Variants in SEMA3E observed in about 807,000 individuals in gnomAD.
SEMA3E encodes semaphorin 3E.
A neutral mutation model predicts 93.6 loss-of-function variants in SEMA3E; 49 were observed. The ratio of observed to expected loss-of-function variants is 0.52; its 90% CI spans 0.42 to 0.66. The LOEUF is 0.66. Ranked by LOEUF, SEMA3E falls within the 30% of genes least tolerant of loss-of-function variation. SEMA3E has a pLI of 0.00. For missense variants in SEMA3E, 906 were observed against 964.8 expected (o/e 0.94, Z 0.81); for synonymous variants, 363 against 330.7 (o/e 1.10, Z -1.06).
intron 1 of SEMA3E, among the ~76,000 whole-genome samples, chr7:83,643,564 A>G (rs1217306023): frequency 6.6e-6 from 1 of 152,000 alleles, no homozygotes; most frequent in Non-Finnish European, 1.5e-5. Context: ...ATTCATAGAA[A>G]CATTTGGGGA....
At chr7:83,467,598 T>A (rs1256680051) in intron 3 of SEMA3E, among the ~76,000 whole-genome samples, 1 of 152,218 alleles carries the variant, frequency 6.6e-6, no homozygotes, top group Non-Finnish European at 1.5e-5. Context: ...TGGTCTCTGT[T>A]GCAACTATTC....
rs570851682 is a variant in SEMA3E, at chr7:83,458,885, AATAT to A, written c.456+7593_456+7596del. Among the ~76,000 whole-genome samples, 1,042 of 147,126 alleles carry A rather than the reference AATAT, an allele frequency of 7.1e-3. 10 individuals are homozygous for A. Among genetic ancestry groups the A allele is most frequent in the African/African-American group, 0.022 (906 of 40,386 alleles). On this transcript the variant is annotated intron_variant, in intron 4 of 16. Coordinates refer to ENST00000643230, the MANE Select transcript of SEMA3E (RefSeq NM_012431.3). The stretch of plus-strand genomic sequence containing the variant: ...TATATGATTATATGTTATATATAAT[AATAT>A]ATATAGTTATATATAACAAATATAA...
Position 83,390,498 on chromosome 7 carries a change from G to T in SEMA3E, c.1667+2057C>A, listed in dbSNP as rs998225982. 2.6e-5 allele frequency among the ~76,000 whole-genome samples: 4 copies of T among 152,090 alleles called. No homozygotes were observed. The East Asian group carries it at 5.8e-4, about 22-fold the overall frequency. On this transcript the variant is annotated intron_variant, in intron 14 of 16. Coordinates refer to ENST00000643230, the MANE Select transcript of SEMA3E (RefSeq NM_012431.3). ...AAGATCATTTTAAACAAGTGGTTTG[G>T]ATTGTGAATTACTGTTTTTCCCCTG... is the stretch of plus-strand genomic sequence containing the variant.
rs371793924 is a variant in SEMA3E at position 83,572,710 on chromosome 7, GA to G, written c.115+75717del. ...CTAATGGAACAGAATAAAGAACCCA[GA>G]AAAAATGCTGAACAGCTACAACCAT... On this transcript the variant is annotated intron_variant, in intron 1 of 16. Coordinates refer to ENST00000643230, the MANE Select transcript of SEMA3E (RefSeq NM_012431.3). Among the ~76,000 whole-genome samples the G allele has an allele frequency of 1.2e-3, 179 of 151,964 alleles. 1 individual carries two copies. Among genetic ancestry groups the G allele is most frequent in the African/African-American group, 3.9e-3 (163 of 41,472 alleles).
At chr7:83,586,679 T>C (rs1314856249) in intron 1 of SEMA3E, among the ~76,000 whole-genome samples, 2 of 151,870 alleles carry the variant, frequency 1.3e-5, no homozygotes, top group East Asian at 3.9e-4. Context: ...GGGATTATAA[T>C]AGAGGTTTCT....
chr7:83,533,615 C>A (rs1347082169), intron 1 of SEMA3E, among the ~76,000 whole-genome samples: 1 of 151,674 alleles, frequency 6.6e-6, no homozygotes, highest in Non-Finnish European at 1.5e-5. Context: ...CAAGCAAAAT[C>A]ATGAGGCAGT....
intron 1 of SEMA3E, among the ~76,000 whole-genome samples, chr7:83,539,860 TG>T (rs1584318320): frequency 1.5e-5 from 2 of 132,072 alleles, no homozygotes; most frequent in East Asian, 5.2e-4. Context: ...TGTTTCTGTG[TG>T]TGTGTGTGTG....
At chr7:83,504,180 T>C (rs946499350) in intron 1 of SEMA3E, among the ~76,000 whole-genome samples, 1 of 152,210 alleles carries the variant, frequency 6.6e-6, no homozygotes, top group Non-Finnish European at 1.5e-5. Context: ...ATTTGAATAC[T>C]TTATCAATAT....
At position 83,364,411 on chromosome 7, in the gene SEMA3E, A is replaced by G. The variant is rs1287891536; in HGVS notation, c.*3175T>C. The G allele has an allele frequency of 6.6e-6, 1 of 152,216 alleles. No individual in the cohort carries two copies. The highest frequency in any genetic ancestry group is 1.5e-5 in the Non-Finnish European group (1 of 68,050). 9.4% of individuals were successfully genotyped at this position (152,216 alleles called of 1,614,324 possible). ...GAAAAAACTCTAAAATATGTATGGA[A>G]TTGCCACTTACTAAACAGGCAGACT... On this transcript the variant is annotated 3_prime_UTR_variant, in exon 17 of 17. Transcript: ENST00000643230.
intron 16 of SEMA3E, among the ~76,000 whole-genome samples, chr7:83,379,822 G>A (rs978818224): frequency 4.0e-5 from 6 of 151,898 alleles, no homozygotes; most frequent in Non-Finnish European, 7.4e-5. Context: ...TCATGGGACT[G>A]TTGCAAGGAT....
chr7:83,478,525 G>A (rs1035250960), intron 2 of SEMA3E, among the ~76,000 whole-genome samples: 3 of 152,032 alleles, frequency 2.0e-5, no homozygotes, highest in South Asian at 2.1e-4. Flanking sequence ...GATTGCAAGG[G>A]GCTATTCATA....
At chr7:83,416,181 A>C (rs1288179866) in intron 5 of SEMA3E, among the ~76,000 whole-genome samples, 1 of 152,128 alleles carries the variant, frequency 6.6e-6, no homozygotes, top group Non-Finnish European at 1.5e-5. Flanking sequence ...AAGTGAGTGG[A>C]TAAATGTGAA....
chr7:83,641,284 G>T, intron 1 of SEMA3E: 1 of 546,982 alleles, frequency 1.8e-6, no homozygotes, highest in Non-Finnish European at 2.3e-6. Flanking sequence ...AGCACTTGTT[G>T]AATGCCTACT....
At chr7:83,542,599 A>G (rs28627528) in intron 1 of SEMA3E, among the ~76,000 whole-genome samples, 33,555 of 152,046 alleles carry the variant, frequency 0.22, 3,900 homozygotes, top group East Asian at 0.39. Context: ...AATCCATAAA[A>G]AAAAAACTGA....
rs1788309016 is a variant in SEMA3E at position 83,405,418 on chromosome 7, T to C, written c.998+32A>G. 6.0e-6 allele frequency: 9 copies of C among 1,489,378 alleles called. No individual in the cohort carries two copies. The East Asian group carries it at 9.1e-5, about 15-fold the overall frequency. 92.3% of individuals were successfully genotyped at this position (1,489,378 alleles called of 1,614,324 possible). ...GTCCGGTGAGGCATCTCTTGTTCTA[T>C]ATTGTTTTTATTGACTGTATAAATT... On this transcript the variant is annotated intron_variant, in intron 9 of 16. Coordinates refer to ENST00000643230, the MANE Select transcript of SEMA3E (RefSeq NM_012431.3).
At chr7:83,597,250 A>C (rs956871629) in intron 1 of SEMA3E, among the ~76,000 whole-genome samples, 1 of 152,182 alleles carries the variant, frequency 6.6e-6, no homozygotes, top group Non-Finnish European at 1.5e-5. Flanking sequence ...AAGACATTTA[A>C]AATTATGATT....
chr7:83,441,385 TA>T (rs1412784478), intron 4 of SEMA3E, among the ~76,000 whole-genome samples: 2 of 152,034 alleles, frequency 1.3e-5, no homozygotes, highest in Admixed American at 6.6e-5. Flanking sequence ...CAGAAAATAA[TA>T]AAAACTCGAT....
intron 4 of SEMA3E, among the ~76,000 whole-genome samples, chr7:83,435,625 AAAAG>A (rs1282737174): frequency 1.3e-5 from 2 of 152,122 alleles, no homozygotes; most frequent in Non-Finnish European, 2.9e-5. Context: ...AGAAAGAAAG[AAAAG>A]AAAAAAGAAA....
chr7:83,488,820 C>A (rs1370482058), intron 2 of SEMA3E, among the ~76,000 whole-genome samples: 4 of 151,960 alleles, frequency 2.6e-5, no homozygotes, highest in African/African-American at 9.7e-5. Context: ...ACATTGTAAA[C>A]TGATGAAAAC....
Sources: gnomAD v4.1 joint callset for allele counts (sites outside exome capture counted in the v4.1 genomes callset) on GRCh38, gnomAD v4.1.1 for gene constraint, MANE v1.5 for transcripts, NCBI Gene and HGNC (gene_info 2026-07-23, HGNC 2026-07-21) for gene names.